CEP63: variants seen among roughly 807,000 people sequenced by gnomAD.
CEP63 encodes centrosomal protein 63.
In CEP63, 84 loss-of-function variants were observed where a neutral mutation model predicts 89.1. That is an observed-to-expected ratio of 0.94 (90% CI 0.79 to 1.13). The LOEUF is 1.13. Ranked by LOEUF, CEP63 falls within the 50% of genes most tolerant of loss-of-function variation. CEP63 has a pLI of 0.00. For missense variants in CEP63, 838 were observed against 813.3 expected (o/e 1.03, Z -0.37); for synonymous variants, 267 against 272.5 (o/e 0.98, Z 0.20).
At chr3:134,639,607 A>C in the CEP63 span, among the ~76,000 whole-genome samples, 8 of 152,184 alleles carry the variant, frequency 5.3e-5, no homozygotes, top group Admixed American at 4.6e-4. Context: ...ATAAGGGCTG[A>C]TGACCTTGAG....
At chr3:134,593,214 CTT>C in the CEP63 span, among the ~76,000 whole-genome samples, 1 of 152,272 alleles carries the variant, frequency 6.6e-6, no homozygotes, top group African/African-American at 2.4e-5. Context: ...GGGCTTGAGA[CTT>C]TTGGATTCCT....
chr3:134,736,561 C>T, the CEP63 span, among the ~76,000 whole-genome samples: 49 of 151,980 alleles, frequency 3.2e-4, no homozygotes, highest in African/African-American at 1.1e-3. Flanking sequence ...TCAGTGGGAA[C>T]AACAACAAAA....
the CEP63 span, among the ~76,000 whole-genome samples, chr3:134,707,396 C>T: frequency 8.5e-5 from 13 of 152,152 alleles, no homozygotes; most frequent in African/African-American, 3.1e-4. Context: ...GTACAAGGTA[C>T]AGGGGCCAGA....
intron 3 of CEP63, among the ~76,000 whole-genome samples, chr3:134,509,492 C>T (rs556614468): frequency 6.6e-6 from 1 of 152,320 alleles, no homozygotes; most frequent in Non-Finnish European, 1.5e-5. Context: ...TCTTCTCTTG[C>T]TTTAACATTT....
chr3:134,741,649 C>T, the CEP63 span, among the ~76,000 whole-genome samples: 1 of 152,196 alleles, frequency 6.6e-6, no homozygotes, highest in South Asian at 2.1e-4. Flanking sequence ...ACAATCGTGT[C>T]CTTTGAGGTT....
At chr3:134,504,979 T>C (rs148390884) in intron 2 of CEP63, among the ~76,000 whole-genome samples, 50 of 152,324 alleles carry the variant, frequency 3.3e-4, no homozygotes, top group African/African-American at 1.1e-3. Context: ...TTTAATGATA[T>C]CCATCTCTGT....
At chr3:134,515,605 T>C (rs1301798540) in intron 3 of CEP63, among the ~76,000 whole-genome samples, 2 of 152,172 alleles carry the variant, frequency 1.3e-5, no homozygotes, top group South Asian at 2.1e-4. Context: ...TTTCAGGATA[T>C]GTAACTTTAG....
chr3:134,656,478 A>T, the CEP63 span, among the ~76,000 whole-genome samples: 5 of 152,324 alleles, frequency 3.3e-5, no homozygotes, highest in East Asian at 9.6e-4. Context: ...GTCAGCAGGG[A>T]TGGAAGAGCA....
intron 2 of CEP63, among the ~76,000 whole-genome samples, chr3:134,503,271 C>G (rs969040885): frequency 6.6e-6 from 1 of 151,862 alleles, no homozygotes; most frequent in Admixed American, 6.6e-5. Context: ...TCTTCACTGA[C>G]CCAGTGGTCA....
chr3:134,580,057 T>A (rs1452187325), intron 10 of CEP63, among the ~76,000 whole-genome samples: 2 of 152,118 alleles, frequency 1.3e-5, no homozygotes, highest in Non-Finnish European at 2.9e-5. Flanking sequence ...TAGCTGGGCA[T>A]GATGGTGGGT....
At chr3:134,514,110 G>A (rs1311645130) in intron 3 of CEP63, among the ~76,000 whole-genome samples, 7 of 152,038 alleles carry the variant, frequency 4.6e-5, no homozygotes, top group Non-Finnish European at 7.4e-5. Flanking sequence ...AATGTTTATT[G>A]CATTCAAGGC....
At chr3:134,626,090 C>G in the CEP63 span, among the ~76,000 whole-genome samples, 2,251 of 152,290 alleles carry the variant, frequency 0.015, 49 homozygotes, top group African/African-American at 0.051. Context: ...CTTTCTTAAC[C>G]AAGGGTCCCT....
the CEP63 span, chr3:134,625,208 C>G: frequency 7.7e-6 from 9 of 1,172,110 alleles, no homozygotes; most frequent in Non-Finnish European, 1.1e-5. Context: ...GCCTTGCTGT[C>G]TCTTTGAGGA....
chr3:134,494,001 A>T (rs764258329), intron 1 of CEP63, among the ~76,000 whole-genome samples: 1 of 152,200 alleles, frequency 6.6e-6, no homozygotes, highest in African/African-American at 2.4e-5. Context: ...GGCGAGAAGC[A>T]TACACATATT....
chr3:134,781,167 T>C, the CEP63 span, among the ~76,000 whole-genome samples: 1 of 152,212 alleles, frequency 6.6e-6, no homozygotes, highest in Non-Finnish European at 1.5e-5. Context: ...TTCCATTCTG[T>C]TTGTCTTCAA....
At chr3:134,608,161 C>A in the CEP63 span, 9 of 1,158,588 alleles carry the variant, frequency 7.8e-6, no homozygotes, top group Non-Finnish European at 9.7e-6. Flanking sequence ...CTGCTGAGGC[C>A]ATGTATTCTC....
chr3:134,690,128 C>T, the CEP63 span, among the ~76,000 whole-genome samples: 46 of 152,024 alleles, frequency 3.0e-4, no homozygotes, highest in African/African-American at 1.1e-3. Context: ...TTTGTTCCCC[C>T]CTTTGCTTGG....
intron 5 of CEP63, among the ~76,000 whole-genome samples, chr3:134,534,373 C>G (rs532893232): frequency 6.6e-6 from 1 of 152,286 alleles, no homozygotes; most frequent in South Asian, 2.1e-4. Context: ...CCTCTAGAAT[C>G]TCATTTTCAA....
At chr3:134,535,528 C>G (rs1360407661) in intron 5 of CEP63, 1 of 145,066 alleles carries the variant, frequency 6.9e-6, no homozygotes, top group Non-Finnish European at 1.5e-5. Flanking sequence ...TACGCTCACT[C>G]CCCTATTGAT....
Sources: allele counts gnomAD v4.1 joint callset (sites outside exome capture counted in the v4.1 genomes callset), GRCh38; gene constraint gnomAD v4.1.1; transcripts MANE v1.5; gene names NCBI Gene and HGNC (gene_info 2026-07-23, HGNC 2026-07-21).